The following FHIP2A variants were observed in gnomAD, a reference collection of about 807,000 sequenced individuals.
The protein encoded by FHIP2A is FHF complex subunit HOOK interacting protein 2A.
Under a neutral mutation model 93.5 loss-of-function variants are expected in FHIP2A, and 46 were observed. That is an observed-to-expected ratio of 0.49 (90% CI 0.39 to 0.63). FHIP2A has a LOEUF of 0.63. Ranked by LOEUF, FHIP2A falls within the 20% of genes least tolerant of loss-of-function variation. FHIP2A has a pLI of 0.00. For missense variants in FHIP2A, 769 were observed against 909.7 expected (o/e 0.85, Z 1.99); for synonymous variants, 332 against 326.5 (o/e 1.02, Z -0.18).
chr10:114,894,170 A>C (rs1432809127), intron 16 of FHIP2A, among the ~76,000 whole-genome samples: 1 of 152,148 alleles, frequency 6.6e-6, no homozygotes, highest in Non-Finnish European at 1.5e-5. Flanking sequence ...CATTGATAAC[A>C]GGCTATGACA....
chr10:114,890,168 C>T (rs2083963341), intron 16 of FHIP2A, among the ~76,000 whole-genome samples: 1 of 152,082 alleles, frequency 6.6e-6, no homozygotes, highest in Non-Finnish European at 1.5e-5. Flanking sequence ...GCTGGGATTA[C>T]AGGCGCCCAC....
chr10:114,869,182 C>A (rs182706450), downstream of FHIP2A, among the ~76,000 whole-genome samples: 188 of 152,298 alleles, frequency 1.2e-3, 2 homozygotes, highest in African/African-American at 4.2e-3. Flanking sequence ...TATATAATAA[C>A]ATGAGAAATG....
At chr10:114,851,937 GTATTT>G (rs2083739483) in intron 13 of FHIP2A, among the ~76,000 whole-genome samples, 1 of 152,018 alleles carries the variant, frequency 6.6e-6, no homozygotes, top group African/African-American at 2.4e-5. Flanking sequence ...CTATTCCTAA[GTATTT>G]TATTCTTTAT....
intron 3 of FHIP2A, among the ~76,000 whole-genome samples, chr10:114,834,802 G>T (rs1455980471): frequency 1.3e-5 from 2 of 152,152 alleles, no homozygotes; most frequent in East Asian, 3.9e-4. Flanking sequence ...ATTTACAGTT[G>T]ACCCTTGAAC....
At chr10:114,844,628 G>A (rs531177702) in intron 7 of FHIP2A, among the ~76,000 whole-genome samples, 2 of 152,182 alleles carry the variant, frequency 1.3e-5, no homozygotes, top group Admixed American at 6.5e-5. Context: ...TAGTCCACTC[G>A]CTATTTCTGT....
chr10:114,892,456 G>A (rs925731785), intron 16 of FHIP2A, among the ~76,000 whole-genome samples: 1 of 152,118 alleles, frequency 6.6e-6, no homozygotes, highest in Non-Finnish European at 1.5e-5. Context: ...TGGCCAACAT[G>A]GTGATACCCC....
intron 7 of FHIP2A, among the ~76,000 whole-genome samples, 187 bp from the exon 8 acceptor site, chr10:114,845,180 T>C (rs972899006): frequency 6.6e-6 from 1 of 152,204 alleles, no homozygotes; most frequent in Admixed American, 6.5e-5. Flanking sequence ...ACAGCTCTTA[T>C]TTAAAAGATT....
chr10:114,875,851 GAAA>G (rs36026614), intron 16 of FHIP2A, among the ~76,000 whole-genome samples: 1 of 112,378 alleles, frequency 8.9e-6, no homozygotes, highest in African/African-American at 3.3e-5. Context: ...AAGAAAGAAA[GAAA>G]AAGAAAGAAA....
At position 114,862,223 on chromosome 10, in the gene FHIP2A, T is replaced by G; in HGVS notation, c.*683T>G. 7.1e-6 allele frequency: 7 copies of G among 982,288 alleles called. No individual in the cohort carries two copies. Among genetic ancestry groups the G allele is most frequent in the Non-Finnish European group, 8.5e-6 (7 of 826,708 alleles). The allele number at this position is 982,288 out of a possible 1,614,324, so 60.8% of individuals were successfully genotyped here. On this transcript the variant is annotated 3_prime_UTR_variant, in exon 17 of 17. Coordinates refer to ENST00000369248, the MANE Select transcript of FHIP2A (RefSeq NM_020940.4). ...TGTGCACATAGCCATGTTAGTGATT[T>G]TCTTCATGTGTGGGTCCCAGTTTAT...
downstream of FHIP2A, among the ~76,000 whole-genome samples, chr10:114,866,753 C>A (rs1057117939): frequency 6.6e-6 from 1 of 152,020 alleles, no homozygotes; most frequent in African/African-American, 2.4e-5. Flanking sequence ...ATGGTGTGAG[C>A]CCCAGGGAAA....
At chr10:114,856,958 G>A (rs373830026) in intron 14 of FHIP2A, among the ~76,000 whole-genome samples, 79 of 152,164 alleles carry the variant, frequency 5.2e-4, no homozygotes, top group African/African-American at 1.8e-3. Flanking sequence ...CTCTTGAGCC[G>A]GGTGCAACTG....
At chr10:114,855,415 A>T in intron 14 of FHIP2A, 75 bp downstream of exon 14, 1 of 1,228,610 alleles carries the variant, frequency 8.1e-7, no homozygotes, top group South Asian at 1.6e-5. Flanking sequence ...GTCTTAGTAG[A>T]TCTTCAATAA....
At chr10:114,832,017 C>G (rs1221396197) in intron 2 of FHIP2A, among the ~76,000 whole-genome samples, 1 of 152,060 alleles carries the variant, frequency 6.6e-6, no homozygotes, top group Non-Finnish European at 1.5e-5. Flanking sequence ...ACATAGCATA[C>G]CAGAATTGTG....
intron 14 of FHIP2A, among the ~76,000 whole-genome samples, chr10:114,860,193 C>T (rs888865083): frequency 6.6e-6 from 1 of 152,074 alleles, no homozygotes; most frequent in Non-Finnish European, 1.5e-5. Flanking sequence ...AACATTCTGA[C>T]TCTGTCACAT....
chr10:114,831,746 T>A (rs867953229), intron 2 of FHIP2A, among the ~76,000 whole-genome samples: 19 of 152,338 alleles, frequency 1.2e-4, no homozygotes, highest in Middle Eastern at 3.4e-3. Context: ...GTTTATTAGT[T>A]CCATTTTATA....
At chr10:114,827,864 G>C (rs1198820508) in intron 1 of FHIP2A, among the ~76,000 whole-genome samples, 1 of 152,034 alleles carries the variant, frequency 6.6e-6, no homozygotes, top group Non-Finnish European at 1.5e-5. Flanking sequence ...GAAGAGCCTG[G>C]TCAAGCTTTG....
Position 114,843,009 on chromosome 10 carries a change from T to C in FHIP2A, c.599T>C (p.Leu200Ser). The change falls in exon 6 of 17, where the codon TTG (leucine) becomes TCG (serine). Residue 200 changes from leucine (L) to serine (S), a missense_variant. By Grantham distance (145) the Leu-to-Ser change is moderately radical. Transcript: ENST00000369248. ...GATACATTAAAAGGTCAGGATTCCT[T>C]GTCAACAGATACAGGACAGTCCCGT... ...SEDTLKGQDS[L>S]STDTGQSRQP... The C allele has an allele frequency of 5.6e-6, 9 of 1,613,742 alleles. No individual in the cohort carries two copies. The highest frequency in any genetic ancestry group is 6.8e-6 in the Non-Finnish European group (8 of 1,179,658).
chr10:114,867,145 G>A (rs2143013870), downstream of FHIP2A, among the ~76,000 whole-genome samples: 3 of 150,584 alleles, frequency 2.0e-5, no homozygotes, highest in Middle Eastern at 0.01. Flanking sequence ...GGAGGCGGAG[G>A]TTTCAGTGAG....
At chr10:114,855,129 G>T (rs1385363938) in intron 13 of FHIP2A, 68 bp from the exon 14 acceptor site, 3 of 1,534,516 alleles carry the variant, frequency 2.0e-6, no homozygotes, top group East Asian at 4.5e-5. Flanking sequence ...CCTATTTAAT[G>T]AAATCATTTC....
Sources: gnomAD v4.1 joint callset for allele counts (sites outside exome capture counted in the v4.1 genomes callset) on GRCh38, gnomAD v4.1.1 for gene constraint, MANE v1.5 for transcripts, NCBI Gene and HGNC (gene_info 2026-07-23, HGNC 2026-07-21) for gene names.